TENM3: variants seen among roughly 807,000 people sequenced by gnomAD.
TENM3 encodes teneurin-3.
TENM3 carries 63 observed loss-of-function variants against 255.1 expected under a neutral mutation model. That is an observed-to-expected ratio of 0.25 (90% CI 0.20 to 0.30). The LOEUF (loss-of-function observed/expected upper bound fraction) is 0.30, where lower values mean the gene tolerates loss of function less well. Ranked by LOEUF, TENM3 falls within the 10% of genes least tolerant of loss-of-function variation. The probability of loss-of-function intolerance (pLI) is 1.00; values close to 1 mark genes in which losing one functional copy is unlikely to be tolerated. For synonymous variants in TENM3, 1,306 were observed against 1,322.3 expected, an observed-to-expected ratio of 0.99 and a Z score of 0.27; for missense variants, 2,929 against 3,461.1, an observed-to-expected ratio of 0.85 and a Z score of 3.86.
At chr4:182,553,635 C>A (rs540025398) in intron 3 of TENM3, among the ~76,000 whole-genome samples, 2 of 152,046 alleles carry the variant, frequency 1.3e-5, no homozygotes, top group Non-Finnish European at 2.9e-5. Context: ...TTCCTTTGCT[C>A]GGTTGCATAT....
the TENM3 span, among the ~76,000 whole-genome samples, chr4:182,090,505 T>C: frequency 6.6e-6 from 1 of 152,170 alleles, no homozygotes; most frequent in African/African-American, 2.4e-5. Context: ...AAGGAGATCA[T>C]AAATTCTTGG....
intron 1 of TENM3, among the ~76,000 whole-genome samples, chr4:182,169,074 T>TACACACACACACACACAC (rs55885166): frequency 5.7e-4 from 79 of 137,854 alleles, no homozygotes; most frequent in South Asian, 3.9e-3. Context: ...AATCATGCCA[T>TACACACACACACACACAC]ACACACACAC....
intron 18 of TENM3, among the ~76,000 whole-genome samples, chr4:182,742,415 C>A (rs577908510): frequency 6.6e-6 from 1 of 152,152 alleles, no homozygotes; most frequent in South Asian, 2.1e-4. Context: ...TTGTTATGTT[C>A]GACATTTTGA....
the TENM3 span, among the ~76,000 whole-genome samples, chr4:181,824,965 T>C: frequency 2.0e-5 from 3 of 152,140 alleles, no homozygotes; most frequent in African/African-American, 7.2e-5. Context: ...GTCCATGTCA[T>C]TGATAGTTGT....
rs762702618 is a variant in TENM3, at chr4:182,681,952, A to G, written c.1973A>G (p.Tyr658Cys). The G allele has an allele frequency of 6.2e-7, 1 of 1,614,016 alleles. No homozygotes were observed. Among genetic ancestry groups the G allele is most frequent in the Non-Finnish European group, 8.5e-7 (1 of 1,179,882 alleles). Residue 658 changes from tyrosine (Y) to cysteine (C), a missense_variant, in exon 11 of 28, where the codon TAT becomes TGT. Tyr to Cys is a radical substitution (Grantham distance 194). Transcript: ENST00000511685. ...GACCAGTGCTCCGGCCACGGAACGTATCTTCAAGAAAGTGGCTCCTGCACG... is the reference window on the plus strand; with the variant it reads ...GACCAGTGCTCCGGCCACGGAACGTGTCTTCAAGAAAGTGGCTCCTGCACG... ...CPDQCSGHGT[Y>C]LQESGSCTCD... is the part of the protein sequence containing the mutation.
chr4:182,340,351 G>T (rs1764411262), intron 2 of TENM3, among the ~76,000 whole-genome samples: 1 of 152,156 alleles, frequency 6.6e-6, no homozygotes, highest in Non-Finnish European at 1.5e-5. Flanking sequence ...TATGAGTATG[G>T]TGTCCAGTGG....
Position 182,799,627 on chromosome 4 carries a change from G to T in TENM3, c.7376G>T (p.Arg2459Leu). ...PIFGVQQQVA[R>L]QAKAFLSLGK... ...TTCGGAGTCCAGCAGCAAGTGGCGC[G>T]GCAGGCCAAGGCCTTCCTGTCGCTG... The change falls in exon 28 of 28, where the codon CGG becomes CTG. Residue 2459 changes from arginine to leucine, a missense_variant. Coordinates refer to ENST00000511685, the MANE Select transcript of TENM3 (RefSeq NM_001080477.4). This position sits in a 1 kb window ranked among gnomAD's most constrained non-coding sequence, Gnocchi z 4.2. The T allele has an allele frequency of 1.3e-6, 2 of 1,544,306 alleles. No individual in the cohort carries two copies. Among genetic ancestry groups the T allele is most frequent in the Non-Finnish European group, 1.7e-6 (2 of 1,146,564 alleles).
At chr4:182,231,249 G>A (rs1293536366) in intron 1 of TENM3, among the ~76,000 whole-genome samples, 1 of 151,984 alleles carries the variant, frequency 6.6e-6, no homozygotes, top group Non-Finnish European at 1.5e-5. Context: ...CTATTCCCGA[G>A]GAGGGTGCCT....
chr4:182,680,457 A>T, intron 9 of TENM3, 86 bp from the exon 10 acceptor site: 3 of 1,518,710 alleles, frequency 2.0e-6, no homozygotes, highest in Non-Finnish European at 2.7e-6. Context: ...AGACTGGCAT[A>T]TTGCTTGTTC....
At chr4:181,803,928 T>C in the TENM3 span, among the ~76,000 whole-genome samples, 1 of 86,558 alleles carries the variant, frequency 1.2e-5, no homozygotes, top group Non-Finnish European at 2.2e-5. Context: ...GACTGAGACT[T>C]ATTATCTCAA....
the TENM3 span, among the ~76,000 whole-genome samples, chr4:182,028,002 T>C: frequency 1.3e-5 from 2 of 152,174 alleles, no homozygotes; most frequent in Non-Finnish European, 2.9e-5. Context: ...TTAGGAAGCA[T>C]TGTCTACTCC....
chr4:182,731,567 C>T (rs1471082388), intron 16 of TENM3, among the ~76,000 whole-genome samples: 1 of 151,708 alleles, frequency 6.6e-6, no homozygotes, highest in East Asian at 2.0e-4. Flanking sequence ...CCAGTGCTAT[C>T]TTTAAATAAT....
chr4:181,673,251 A>G, the TENM3 span, among the ~76,000 whole-genome samples: 4 of 152,094 alleles, frequency 2.6e-5, no homozygotes, highest in African/African-American at 9.7e-5. Flanking sequence ...TCTATGGGGA[A>G]TGTGGATTTT....
chr4:181,691,329 T>C, the TENM3 span, among the ~76,000 whole-genome samples: 121,079 of 151,850 alleles, frequency 0.8, 48,476 homozygotes, highest in Admixed American at 0.88. Context: ...CTCATATACA[T>C]AAGCTGTGTG....
At chr4:182,610,891 A>G (rs955273002) in intron 4 of TENM3, among the ~76,000 whole-genome samples, 2 of 149,872 alleles carry the variant, frequency 1.3e-5, no homozygotes, top group African/African-American at 4.9e-5. Context: ...CCATAGGAGC[A>G]TGTCACCATG....
chr4:181,467,113 A>ATG, the TENM3 span, among the ~76,000 whole-genome samples: 2 of 32,400 alleles, frequency 6.2e-5, no homozygotes, highest in African/African-American at 2.0e-4. Flanking sequence ...GTATATATAT[A>ATG]TATATATATA....
the TENM3 span, among the ~76,000 whole-genome samples, chr4:181,888,618 G>GTGTGTGTGTGGA: frequency 7.2e-3 from 806 of 111,718 alleles, 11 homozygotes; most frequent in African/African-American, 0.011. Flanking sequence ...GTGTGTGTGT[G>GTGTGTGTGTGGA]GAAAGAGAGA....
the TENM3 span, among the ~76,000 whole-genome samples, chr4:181,496,514 C>T: frequency 1.6e-4 from 24 of 152,248 alleles, no homozygotes; most frequent in African/African-American, 5.0e-4. Flanking sequence ...ATTATTTTAA[C>T]TGTTCCTTAT....
chr4:182,223,124 A>G lies in TENM3; in HGVS notation c.-76+78370A>G, dbSNP rs374259342. On this transcript the variant is annotated intron_variant, in intron 1 of 2. Transcript: ENST00000512480. ...AAGAAAGAAAAAGAGAGAAGAAACT[A>G]TGGTAGGGGAAAATGAGGTGGAAAG... 4.6e-5 allele frequency among the ~76,000 whole-genome samples: 7 copies of G among 152,332 alleles called. No individual in the cohort carries two copies. In the East Asian group the frequency reaches 7.7e-4, roughly 17 times the overall value.
Sources: allele counts gnomAD v4.1 joint callset (sites outside exome capture counted in the v4.1 genomes callset), GRCh38; gene constraint gnomAD v4.1.1; non-coding constraint Gnocchi (gnomAD v3.1); transcripts MANE v1.5; gene names NCBI Gene and HGNC (gene_info 2026-07-23, HGNC 2026-07-21).